The following SRRM4 variants were observed in gnomAD, a reference collection of about 807,000 sequenced individuals.
The protein encoded by SRRM4 is serine/arginine repetitive matrix protein 4.
A neutral mutation model predicts 68.9 loss-of-function variants in SRRM4; 33 were observed. The observed-to-expected ratio is 0.48, with a 90% CI of 0.36 to 0.64. The LOEUF (loss-of-function observed/expected upper bound fraction) is 0.64, where lower values mean the gene tolerates loss of function less well. SRRM4 is among the 30% of genes least tolerant of loss of function. The pLI, the probability that SRRM4 is intolerant of heterozygous loss-of-function variation, is 0.00. For missense variants in SRRM4, 817 were observed against 827.1 expected, an observed-to-expected ratio of 0.99 and a Z score of 0.15; for synonymous variants, 318 against 318.8, an observed-to-expected ratio of 1.00 and a Z score of 0.03.
intron 1 of SRRM4, among the ~76,000 whole-genome samples, chr12:119,053,401 T>C (rs1318869130): frequency 1.3e-5 from 2 of 152,280 alleles, no homozygotes; most frequent in African/African-American, 4.8e-5. Flanking sequence ...CAGCAATCAT[T>C]ATTAGTCTTG....
intron 1 of SRRM4, among the ~76,000 whole-genome samples, chr12:119,049,487 G>A (rs895624037): frequency 9.9e-5 from 15 of 152,168 alleles, no homozygotes; most frequent in African/African-American, 3.4e-4. Flanking sequence ...AGGAAGCCTC[G>A]GTTTGAGAAG....
At chr12:119,005,908 C>T (rs1405050) in intron 1 of SRRM4, among the ~76,000 whole-genome samples, 65,264 of 151,906 alleles carry the variant, frequency 0.43, 14,744 homozygotes, top group Middle Eastern at 0.67. Context: ...ACAAACAAGC[C>T]GTGTGACCTT....
At chr12:119,033,089 G>T (rs1327322349) in intron 1 of SRRM4, among the ~76,000 whole-genome samples, 1 of 151,728 alleles carries the variant, frequency 6.6e-6, no homozygotes, top group African/African-American at 2.4e-5. Flanking sequence ...CATCCCATTA[G>T]CTTTCAATTT....
chr12:119,108,766 CTT>C (rs1479504917), intron 2 of SRRM4, among the ~76,000 whole-genome samples: 1 of 152,086 alleles, frequency 6.6e-6, no homozygotes, highest in Non-Finnish European at 1.5e-5. Context: ...GGTCTTGACT[CTT>C]TATCCAATTT....
Position 119,087,555 on chromosome 12 carries a change from C to T in SRRM4, c.132-14681C>T, listed in dbSNP as rs4767774. Among the ~76,000 whole-genome samples the T allele has an allele frequency of 3.2e-4, 48 of 152,080 alleles. 1 individual carries two copies. The highest frequency in any genetic ancestry group is 3.4e-3 in the Middle Eastern group (1 of 294). On this transcript the variant is annotated intron_variant, in intron 1 of 12. Transcript: ENST00000267260. ...AGTGAGGTTTCATGGTCCCCAGAAA[C>T]GCGCTGGAGGGAATATTGGTCGATG...
chr12:119,025,762 G>A (rs1167799512), intron 1 of SRRM4, among the ~76,000 whole-genome samples: 1 of 152,014 alleles, frequency 6.6e-6, no homozygotes, highest in East Asian at 1.9e-4. Flanking sequence ...GATTTTACTA[G>A]GGGAACTGCC....
intron 1 of SRRM4, among the ~76,000 whole-genome samples, chr12:119,081,138 A>G (rs76045092): frequency 3.2e-3 from 483 of 152,314 alleles, no homozygotes; most frequent in African/African-American, 0.011. Flanking sequence ...CTCTACCCTA[A>G]TGAAACTTAG....
chr12:119,080,975 A>G (rs1487435345), intron 1 of SRRM4, among the ~76,000 whole-genome samples: 2 of 152,242 alleles, frequency 1.3e-5, no homozygotes, highest in African/African-American at 2.4e-5. Flanking sequence ...AAGAAAGCAT[A>G]ACAGAACACA....
chr12:119,018,739 T>C (rs2136000655), intron 1 of SRRM4, among the ~76,000 whole-genome samples: 1 of 152,280 alleles, frequency 6.6e-6, no homozygotes, highest in South Asian at 2.1e-4. Flanking sequence ...AAGAATCCAA[T>C]GCCTGGTACC....
intron 1 of SRRM4, among the ~76,000 whole-genome samples, chr12:119,082,024 G>A (rs1470909850): frequency 3.9e-5 from 6 of 152,178 alleles, no homozygotes; most frequent in East Asian, 3.8e-4. Context: ...TGATCATGAC[G>A]GATCAGCACG....
At chr12:119,014,423 T>G (rs1203049462) in intron 1 of SRRM4, among the ~76,000 whole-genome samples, 1 of 152,142 alleles carries the variant, frequency 6.6e-6, no homozygotes, top group Non-Finnish European at 1.5e-5. Flanking sequence ...TGACTTGCTG[T>G]AACAGATGGA....
intron 4 of SRRM4, among the ~76,000 whole-genome samples, chr12:119,119,048 AG>A (rs1330170447): frequency 2.8e-5 from 3 of 108,182 alleles, no homozygotes; most frequent in Admixed American, 1.2e-4. Context: ...GAAAGCACTG[AG>A]ATTTTTTTTT....
chr12:118,990,313 G>A (rs1953308544), intron 1 of SRRM4, among the ~76,000 whole-genome samples: 1 of 152,174 alleles, frequency 6.6e-6, no homozygotes, highest in Admixed American at 6.5e-5. Flanking sequence ...AACCAGGGGA[G>A]TCTCTAGATG....
intron 1 of SRRM4, among the ~76,000 whole-genome samples, chr12:119,009,100 G>C (rs935565840): frequency 3.9e-5 from 6 of 152,122 alleles, no homozygotes; most frequent in African/African-American, 1.4e-4. Context: ...CGCACACGCA[G>C]CTTGTAGACA....
chr12:119,015,809 C>T (rs1046900965), intron 1 of SRRM4, among the ~76,000 whole-genome samples: 2 of 152,032 alleles, frequency 1.3e-5, no homozygotes, highest in African/African-American at 4.8e-5. Context: ...ACTGTCCTTC[C>T]CCCTGATTTC....
rs1281883202 is a variant in SRRM4 at position 119,102,373 on chromosome 12, G to A, written c.269G>A (p.Arg90Lys). 2 of 1,612,060 alleles carry A rather than the reference G, an allele frequency of 1.2e-6. No individual in the cohort carries two copies. The highest frequency in any genetic ancestry group is 1.7e-6 in the Non-Finnish European group (2 of 1,179,120). ...DKTCRELGAT[R>K]GHSASHDKDL... Reference sequence around the variant, plus strand: ...ACCTGTCGGGAACTGGGTGCCACCAGAGGACACAGGTGAGATCCAATGAGG... The same window carrying A: ...ACCTGTCGGGAACTGGGTGCCACCAAAGGACACAGGTGAGATCCAATGAGG... Residue 90 changes from arginine (R) to lysine (K), a missense_variant, in exon 2 of 13, where the codon AGA (arginine) becomes AAA (lysine). Transcript: ENST00000267260.
intron 1 of SRRM4, among the ~76,000 whole-genome samples, chr12:118,993,135 A>G (rs1349802399): frequency 6.6e-6 from 1 of 152,174 alleles, no homozygotes. Context: ...GAGGTCTTAT[A>G]AAGACCTGGA....
intron 8 of SRRM4, among the ~76,000 whole-genome samples, chr12:119,136,060 C>T (rs1466616735): frequency 6.6e-6 from 1 of 152,170 alleles, no homozygotes; most frequent in African/African-American, 2.4e-5. Context: ...GGACATAACC[C>T]TCAAAGTATC....
chr12:119,013,893 G>C (rs1402740718), intron 1 of SRRM4, among the ~76,000 whole-genome samples: 1 of 151,768 alleles, frequency 6.6e-6, no homozygotes, highest in Non-Finnish European at 1.5e-5. Context: ...AAATGATACT[G>C]TCTCATTGCC....
Sources: gnomAD v4.1 joint callset for allele counts (sites outside exome capture counted in the v4.1 genomes callset) on GRCh38, gnomAD v4.1.1 for gene constraint, MANE v1.5 for transcripts, NCBI Gene and HGNC (gene_info 2026-07-23, HGNC 2026-07-21) for gene names.